PLIN3: variants seen among roughly 807,000 people sequenced by gnomAD.
PLIN3 encodes perilipin 3.
PLIN3 carries 30 observed loss-of-function variants against 35.9 expected under a neutral mutation model. The ratio of observed to expected loss-of-function variants is 0.84; its 90% CI spans 0.62 to 1.13. The LOEUF is 1.13. Ranked by LOEUF, PLIN3 falls within the 50% of genes most tolerant of loss-of-function variation. The probability of loss-of-function intolerance (pLI) is 0.00; values close to 1 mark genes in which losing one functional copy is unlikely to be tolerated. For missense variants in PLIN3, 603 were observed against 596.9 expected (o/e 1.01, Z -0.11); for synonymous variants, 261 against 262.5 (o/e 0.99, Z 0.06).
rs1457676598 is a variant in PLIN3 at position 4,839,405 on chromosome 19, G to C, written c.1092C>G (p.Arg364=). The C allele has an allele frequency of 6.2e-7, 1 of 1,610,394 alleles. No individual in the cohort carries two copies. The highest frequency in any genetic ancestry group is 8.5e-7 in the Non-Finnish European group (1 of 1,177,220). The change falls in exon 8 of 8, where the codon CGC becomes CGG. Residue 364 remains arginine (R), a synonymous_variant. Transcript: ENST00000221957. ...ACGTGGCCTGGAGGTCCTCCACCTG[G>C]CGGCGGGCCTGCTGCACCTGGTCCT... The part of the protein sequence containing the change: ...NVKDQVQQAR[R]QVEDLQATFS...
At chr19:4,842,149 G>A (rs1471047714) in intron 7 of PLIN3, among the ~76,000 whole-genome samples, 4 of 151,912 alleles carry the variant, frequency 2.6e-5, no homozygotes, top group Admixed American at 6.6e-5. Flanking sequence ...AAATTAGGCC[G>A]GGCGCAGTGG....
chr19:4,843,841 T>C (rs939103917), intron 7 of PLIN3, among the ~76,000 whole-genome samples: 22 of 152,164 alleles, frequency 1.4e-4, no homozygotes, highest in Admixed American at 6.6e-5. Context: ...GTCTCAAAGA[T>C]AAATAAACAA....
In PLIN3 at chr19:4,844,757, C is replaced by T; in HGVS notation, c.871G>A (p.Val291Met). 6.2e-7 allele frequency: 1 copy of T among 1,602,958 alleles called. No homozygotes were observed. Among genetic ancestry groups the T allele is most frequent in the Non-Finnish European group, 8.5e-7 (1 of 1,175,104 alleles). Reference sequence around the variant, plus strand: ...TGGTGCAGCTTCTCCTGGCCTTCCACCAGCTTCTGATCAACGCCTTGCTTG... The same window carrying T: ...TGGTGCAGCTTCTCCTGGCCTTCCATCAGCTTCTGATCAACGCCTTGCTTG... ...TVKQGVDQKLVEGQEKLHQMW... is the reference protein window; with the variant it reads ...TVKQGVDQKLMEGQEKLHQMW... The change falls in exon 7 of 8, where the codon GTG becomes ATG. Residue 291 changes from valine (V) to methionine (M), a missense_variant. Val to Met is a conservative substitution (Grantham distance 21). Transcript: ENST00000221957.
At chr19:4,855,249 G>GAAAAAAAAAAAAAAAAAAA (rs377681525) in intron 4 of PLIN3, among the ~76,000 whole-genome samples, 1 of 36,412 alleles carries the variant, frequency 2.7e-5, no homozygotes, top group African/African-American at 9.6e-5. Context: ...GACTCCATCT[G>GAAAAAAAAAAAAAAAAAAA]AAAAAAAAAA....
intron 4 of PLIN3, among the ~76,000 whole-genome samples, chr19:4,853,544 T>C (rs1454000231): frequency 1.3e-5 from 2 of 151,916 alleles, no homozygotes; most frequent in African/African-American, 2.4e-5. Flanking sequence ...AGGCTGGTCT[T>C]GAACTCCTGA....
At chr19:4,842,996 G>A (rs904415783) in intron 7 of PLIN3, among the ~76,000 whole-genome samples, 11 of 152,056 alleles carry the variant, frequency 7.2e-5, no homozygotes, top group Admixed American at 3.9e-4. Flanking sequence ...CGATGTGGGC[G>A]GATCACCTGC....
intron 4 of PLIN3, among the ~76,000 whole-genome samples, chr19:4,854,293 C>A (rs1347893869): frequency 6.6e-6 from 1 of 152,148 alleles, no homozygotes; most frequent in Admixed American, 6.6e-5. Flanking sequence ...GAAAACCACA[C>A]CTGCCCCATT....
intron 7 of PLIN3, among the ~76,000 whole-genome samples, chr19:4,840,114 C>T (rs762472805): frequency 2.0e-5 from 3 of 151,832 alleles, no homozygotes; most frequent in Non-Finnish European, 4.4e-5. Flanking sequence ...ACTACAGGCG[C>T]GTGCCACCAC....
At chr19:4,865,375 G>A (rs928176568) in intron 1 of PLIN3, among the ~76,000 whole-genome samples, 2 of 151,702 alleles carry the variant, frequency 1.3e-5, no homozygotes, top group Admixed American at 6.6e-5. Context: ...TGTAGTCCCA[G>A]CTACACAGGA....
At chr19:4,850,329 T>C (rs1396365379) in intron 5 of PLIN3, among the ~76,000 whole-genome samples, 1 of 151,504 alleles carries the variant, frequency 6.6e-6, no homozygotes, top group Non-Finnish European at 1.5e-5. Context: ...CAGGCTGGAG[T>C]GCAGCGGCCC....
At position 4,854,675 on chromosome 19, in the gene PLIN3, G is replaced by A. The variant is rs191686343; in HGVS notation, c.349-2374C>T. ...AACAGCCCCACTACTCAGTGAACAC[G>A]CACGTTCTCACACTGGCCCGGATTA... On this transcript the variant is annotated intron_variant, in intron 4 of 7. Transcript: ENST00000221957. Among the ~76,000 whole-genome samples the A allele has an allele frequency of 2.1e-3, 318 of 152,134 alleles. 1 individual carries two copies. The highest frequency in any genetic ancestry group is 7.3e-3 in the African/African-American group (304 of 41,506).
chr19:4,862,525 A>T (rs2030710103), intron 1 of PLIN3, among the ~76,000 whole-genome samples: 1 of 151,988 alleles, frequency 6.6e-6, no homozygotes, highest in Admixed American at 6.6e-5. Context: ...GGATTACAGG[A>T]GTGAGCCACC....
At chr19:4,863,427 G>A (rs1054721296) in intron 1 of PLIN3, among the ~76,000 whole-genome samples, 2 of 150,856 alleles carry the variant, frequency 1.3e-5, no homozygotes, top group African/African-American at 4.9e-5. Flanking sequence ...AACCCGGGAA[G>A]CGGAAGTTGC....
In PLIN3 at chr19:4,847,823, G is replaced by GCT; in HGVS notation, c.700_701dup (p.Ser234ArgfsTer44). Reference sequence around the variant, plus strand: ...ACAGGGAGCCCAGACGTACGAAGTAGCTCTGTTCCTGCCGCTGCTGCTGCA... The same window carrying GCT: ...ACAGGGAGCCCAGACGTACGAAGTAGCTCTCTGTTCCTGCCGCTGCTGCTGCA... On this transcript the variant is annotated frameshift_variant, in exon 6 of 8. Coordinates refer to ENST00000221957, the MANE Select transcript of PLIN3 (RefSeq NM_005817.5). LOFTEE classifies it high-confidence loss of function. The GCT allele has an allele frequency of 6.2e-7, 1 of 1,613,910 alleles. No individual in the cohort carries two copies. Among genetic ancestry groups the GCT allele is most frequent in the Non-Finnish European group, 8.5e-7 (1 of 1,179,946 alleles).
At chr19:4,864,376 C>G (rs1335220063) in intron 1 of PLIN3, among the ~76,000 whole-genome samples, 1 of 151,480 alleles carries the variant, frequency 6.6e-6, no homozygotes, top group African/African-American at 2.4e-5. Flanking sequence ...GTCTTGAACA[C>G]CTGACCTCGT....
Position 4,859,571 on chromosome 19 carries a change from T to C in PLIN3, c.348+19A>G, listed in dbSNP as rs777479960. On this transcript the variant is annotated intron_variant, in intron 4 of 7. Transcript: ENST00000221957. ...TAGGTCCCTGTCTCGACAGAGCCCC[T>C]GAGGACGGACATCGTTACCTTCTCC... 1 of 1,610,340 alleles carries C rather than the reference T, an allele frequency of 6.2e-7. No homozygotes were observed. The highest frequency in any genetic ancestry group is 8.5e-7 in the Non-Finnish European group (1 of 1,176,680).
chr19:4,845,121 C>T (rs1270667995), intron 6 of PLIN3, among the ~76,000 whole-genome samples: 2 of 152,184 alleles, frequency 1.3e-5, no homozygotes, highest in East Asian at 3.9e-4. Context: ...ATGGAACCAG[C>T]AAAGGCTTAA....
rs1293113465 is a variant in PLIN3, at chr19:4,839,019, G to A, written c.*173C>T. ...CTTCTTCCAAGCTCAGAGAGGCTGA[G>A]AGATGGGTCAACTGGGTGATGCCCG... On this transcript the variant is annotated 3_prime_UTR_variant, in exon 8 of 8. Transcript: ENST00000221957. 1.3e-5 allele frequency: 7 copies of A among 527,366 alleles called. No individual in the cohort carries two copies. Among genetic ancestry groups the A allele is most frequent in the Non-Finnish European group, 2.0e-5 (6 of 297,230 alleles). The allele number at this position is 527,366 out of a possible 1,614,324, so 32.7% of individuals were successfully genotyped here. A position where few individuals can be genotyped will look rare whatever the true frequency, so the allele number is the denominator to read the frequency against.
intron 1 of PLIN3, among the ~76,000 whole-genome samples, 197 bp downstream of exon 1, chr19:4,867,412 G>A (rs2030894526): frequency 1.3e-5 from 2 of 152,180 alleles, no homozygotes; most frequent in African/African-American, 4.8e-5. Context: ...GGGTTTCAAA[G>A]TCTGAGCTTC....
Sources: allele counts gnomAD v4.1 joint callset (sites outside exome capture counted in the v4.1 genomes callset), GRCh38; gene constraint gnomAD v4.1.1; transcripts MANE v1.5; gene names NCBI Gene and HGNC (gene_info 2026-07-23, HGNC 2026-07-21).